C21orf58: variants seen among roughly 807,000 people sequenced by gnomAD.
C21orf58 encodes uncharacterized protein C21orf58.
Under a neutral mutation model 35.8 loss-of-function variants are expected in C21orf58, and 34 were observed. That is an observed-to-expected ratio of 0.95 (90% CI 0.72 to 1.26). C21orf58 has a LOEUF of 1.26. Among genes scored for constraint, C21orf58 ranks in the 50% most tolerant of loss-of-function variants. The pLI is 0.00. For synonymous variants in C21orf58, 191 were observed against 175.8 expected, an observed-to-expected ratio of 1.09 and a Z score of -0.68; for missense variants, 440 against 414.3, an observed-to-expected ratio of 1.06 and a Z score of -0.54.
At chr21:46,314,131 G>GTTTTTTTTTTTTTT (rs140166854) in intron 5 of C21orf58, among the ~76,000 whole-genome samples, 10 of 145,088 alleles carry the variant, frequency 6.9e-5, no homozygotes, top group Non-Finnish European at 1.1e-4. Flanking sequence ...GCATGATAAA[G>GTTTTTTTTTTTTTT]TTTTTTTTTT....
intron 1 of C21orf58, among the ~76,000 whole-genome samples, chr21:46,321,144 A>C (rs1351104984): frequency 1.3e-5 from 2 of 152,120 alleles, no homozygotes; most frequent in Admixed American, 6.6e-5. Context: ...TTAACATCTT[A>C]CCTTAGTGTG....
chr21:46,306,302 C>A (rs889219249), intron 6 of C21orf58, among the ~76,000 whole-genome samples: 2 of 151,968 alleles, frequency 1.3e-5, no homozygotes, highest in Non-Finnish European at 2.9e-5. Context: ...AGGTTCAAGA[C>A]CATCTGGCCA....
Position 46,314,813 on chromosome 21 carries a change from C to T in C21orf58, c.512G>A (p.Gly171Glu). ...GGGCAGCTCTGGGGGCAGGGCTGAC[C>T]CGAGGGCTCCTCTGCTTGGCCCGCT... ...AWSGPSRGAL[G>E]SALPPELPPT... Residue 171 changes from glycine to glutamate, a missense_variant, in exon 5 of 8, where the codon GGG becomes GAG. Physicochemically the swap from Gly to Glu is moderately conservative, Grantham distance 98. Transcript: ENST00000291691. 6.5e-7 allele frequency: 1 copy of T among 1,548,078 alleles called. No individual in the cohort carries two copies. Among genetic ancestry groups the T allele is most frequent in the Non-Finnish European group, 8.7e-7 (1 of 1,145,310 alleles).
rs2082109472 is a variant in C21orf58, at chr21:46,301,570, C to G, written c.*429G>C. The G allele has an allele frequency of 1.0e-6, 1 of 993,920 alleles. No individual in the cohort carries two copies. Among genetic ancestry groups the G allele is most frequent in the Admixed American group, 6.1e-5 (1 of 16,486 alleles). The allele number at this position is 993,920 out of a possible 1,614,324, so 61.6% of individuals were successfully genotyped here. On this transcript the variant is annotated 3_prime_UTR_variant, in exon 8 of 8. Transcript: ENST00000291691. Reference sequence around the variant, plus strand: ...ATGTGGCTAAAGCTATTGATCTTTTCTGTTCTGGCTCCTGAGCTGAGATTT... The same window carrying G: ...ATGTGGCTAAAGCTATTGATCTTTTGTGTTCTGGCTCCTGAGCTGAGATTT...
At position 46,318,177 on chromosome 21, in the gene C21orf58, A is replaced by G; in HGVS notation, c.144T>C (p.Gly48=). 6.2e-7 allele frequency: 1 copy of G among 1,612,916 alleles called. No individual in the cohort carries two copies. The highest frequency in any genetic ancestry group is 8.5e-7 in the Non-Finnish European group (1 of 1,180,006). The change falls in exon 2 of 8, where the codon GGT becomes GGC. Residue 48 remains glycine (G), a synonymous_variant. Transcript: ENST00000291691. ...AGAACTGCTCAGCAGGAGCCCAAGC[A>G]CCGGTGTTGCCTGCAGGGCGGGCCT... is the stretch of plus-strand genomic sequence containing the variant. ...GGKARPAGNT[G]AWAPAEQFFP... is the part of the protein sequence containing the mutation.
At chr21:46,313,169 G>A in intron 5 of C21orf58, 1 of 491,494 alleles carries the variant, frequency 2.0e-6, no homozygotes, top group Non-Finnish European at 2.6e-6. Context: ...AGCAGCTACG[G>A]ACAATGTGGA....
intron 6 of C21orf58, among the ~76,000 whole-genome samples, chr21:46,304,560 C>T (rs1442832079): frequency 1.3e-5 from 2 of 151,780 alleles, no homozygotes; most frequent in Non-Finnish European, 2.9e-5. Flanking sequence ...GCAAATTAAA[C>T]CAGAATGAAC....
At chr21:46,315,091 T>G in intron 4 of C21orf58, 1 of 1,386,030 alleles carries the variant, frequency 7.2e-7, no homozygotes. Context: ...CCAGTTGTTT[T>G]CTTTTTCCAG....
In C21orf58 at chr21:46,302,103, G is replaced by C; in HGVS notation, c.865C>G (p.Pro289Ala). ...TGGTGGTGGTGGTGGTGCACGGCAG[G>C]CAGCCTTGGCCTGGCAGCTCGTGGG... ...RVPRAARPRL[P>A]AVHHHHHHHH... Residue 289 changes from proline to alanine, a missense_variant, in exon 8 of 8, where the codon CCT becomes GCT. By Grantham distance (27) the Pro-to-Ala change is conservative (BLOSUM62 -1). Coordinates refer to ENST00000291691, the MANE Select transcript of C21orf58 (RefSeq NM_058180.5). 2 of 1,528,182 alleles carry C rather than the reference G, an allele frequency of 1.3e-6. No individual in the cohort carries two copies. Among genetic ancestry groups the C allele is most frequent in the Non-Finnish European group, 1.8e-6 (2 of 1,137,734 alleles). 94.7% of individuals were successfully genotyped at this position (1,528,182 alleles called of 1,614,324 possible). A position where few individuals can be genotyped will look rare whatever the true frequency, so the allele number is the denominator to read the frequency against.
chr21:46,312,308 A>C (rs1241688297), intron 5 of C21orf58, among the ~76,000 whole-genome samples: 1 of 151,324 alleles, frequency 6.6e-6, no homozygotes, highest in African/African-American at 2.4e-5. Flanking sequence ...AGCAACCAAC[A>C]CTTGGTATGG....
At chr21:46,315,350 G>A (rs1228757389) in intron 4 of C21orf58, 124 bp downstream of exon 4, 2 of 683,684 alleles carry the variant, frequency 2.9e-6, no homozygotes, top group Non-Finnish European at 5.3e-6. Flanking sequence ...GTCCTTGCTG[G>A]GGCCTGGCCC....
intron 1 of C21orf58, 106 bp downstream of exon 1, chr21:46,322,533 G>C (rs1010971729): frequency 7.6e-7 from 1 of 1,312,512 alleles, no homozygotes; most frequent in Non-Finnish European, 9.8e-7. Context: ...TCGCTTGGCT[G>C]TGTTGCCTGC....
At chr21:46,319,584 A>C (rs1411386003) in intron 1 of C21orf58, among the ~76,000 whole-genome samples, 1 of 152,138 alleles carries the variant, frequency 6.6e-6, no homozygotes, top group East Asian at 1.9e-4. Flanking sequence ...ACAACACAAC[A>C]AGACCCCATC....
chr21:46,315,041 G>T, intron 4 of C21orf58, 161 bp from the exon 5 acceptor site: 1 of 1,522,532 alleles, frequency 6.6e-7, no homozygotes. Context: ...TGTGCATGAG[G>T]GTGGCCTCCT....
intron 4 of C21orf58, 64 bp downstream of exon 4, chr21:46,315,410 G>A: frequency 9.7e-7 from 1 of 1,027,052 alleles, no homozygotes; most frequent in East Asian, 2.4e-5. Context: ...GGTGCCTTAA[G>A]GCTGAGCAGC....
At chr21:46,322,350 G>T in intron 1 of C21orf58, 2 of 655,292 alleles carry the variant, frequency 3.1e-6, no homozygotes, top group Non-Finnish European at 3.8e-6. Flanking sequence ...AACCTCTCTA[G>T]GATGTCCACA....
chr21:46,302,470 G>C lies in C21orf58; in HGVS notation c.813+15C>G. The C allele has an allele frequency of 6.3e-7, 1 of 1,586,830 alleles. No homozygotes were observed. The highest frequency in any genetic ancestry group is 8.6e-7 in the Non-Finnish European group (1 of 1,159,652). ...TGTTTCCTTGGCCTAGGGTTCTGCT[G>C]GGGGCTAAGCCTACCTGCAGGGCTG... On this transcript the variant is annotated intron_variant, in intron 7 of 7. Transcript: ENST00000291691.
intron 1 of C21orf58, chr21:46,320,975 C>T (rs1363306725): frequency 6.6e-6 from 1 of 152,156 alleles, no homozygotes; most frequent in Non-Finnish European, 1.5e-5. Flanking sequence ...AGAATTGCCT[C>T]CTCGGGATCT....
intron 6 of C21orf58, among the ~76,000 whole-genome samples, chr21:46,304,022 T>G (rs1415455714): frequency 4.1e-4 from 8 of 19,542 alleles, no homozygotes; most frequent in Non-Finnish European, 1.1e-3. Context: ...AAGTGCTGGT[T>G]TTTTTTTTTT....
Sources: allele counts gnomAD v4.1 joint callset (sites outside exome capture counted in the v4.1 genomes callset), GRCh38; gene constraint gnomAD v4.1.1; transcripts MANE v1.5; gene names NCBI Gene and HGNC (gene_info 2026-07-23, HGNC 2026-07-21).